The following RP1 variants were observed in gnomAD, a reference collection of about 807,000 sequenced individuals.
The protein encoded by RP1 is oxygen-regulated protein 1.
RP1 carries 16 observed loss-of-function variants against 14.8 expected under a neutral mutation model. The ratio of observed to expected loss-of-function variants is 1.08; its 90% CI spans 0.73 to 1.65. The LOEUF (loss-of-function observed/expected upper bound fraction) is 1.65. RP1 is among the 40% of genes most tolerant of loss of function. The pLI is 0.00. For missense variants in RP1, 2,631 were observed against 2,535.0 expected, an observed-to-expected ratio of 1.04 and a Z score of -0.81; for synonymous variants, 876 against 883.6, an observed-to-expected ratio of 0.99 and a Z score of 0.15.
rs911864049 is a variant in RP1 at position 54,734,601 on chromosome 8, G to T, written c.2578G>T (p.Val860Leu). The T allele has an allele frequency of 3.3e-6, 5 of 1,535,562 alleles. No individual in the cohort carries two copies. The African/African-American group carries it at 4.1e-5, about 13-fold the overall frequency. ...TCTTCTGTCAGAAGATGAATGGAAGGTGTTAGTGCTGACAGGAAATACAGG... is the reference window on the plus strand; with the variant it reads ...TCTTCTGTCAGAAGATGAATGGAAGTTGTTAGTGCTGACAGGAAATACAGG... The change falls in exon 18 of 23, where the codon GTG (valine) becomes TTG (leucine). Residue 860 changes from valine (V) to leucine (L), a missense_variant. Val to Leu is a conservative substitution (Grantham distance 32). Coordinates refer to the RP1 transcript ENST00000636932.
At chr8:54,576,999 G>A (rs1804677311) in intron 1 of RP1, among the ~76,000 whole-genome samples, 1 of 152,120 alleles carries the variant, frequency 6.6e-6, no homozygotes, top group African/African-American at 2.4e-5. Context: ...TTCTAAGAAT[G>A]TATATATGAA....
At chr8:54,615,446 A>G (rs954763258), upstream of RP1, among the ~76,000 whole-genome samples, 1 of 152,220 alleles carries the variant, frequency 6.6e-6, no homozygotes, top group Non-Finnish European at 1.5e-5. Flanking sequence ...ACAGGTAGTC[A>G]TTAGAAGGAT....
intron 15 of RP1, among the ~76,000 whole-genome samples, chr8:54,718,567 C>T (rs1808461879): frequency 6.6e-6 from 1 of 152,106 alleles, no homozygotes; most frequent in Admixed American, 6.6e-5. Flanking sequence ...AATGTTTGTA[C>T]CAGCTTTTTT....
chr8:54,719,714 A>G (rs1280562602), intron 15 of RP1, among the ~76,000 whole-genome samples: 2 of 152,192 alleles, frequency 1.3e-5, no homozygotes, highest in African/African-American at 2.4e-5. Flanking sequence ...AGCACAGAAA[A>G]TTGGTTTACA....
intron 25 of RP1, among the ~76,000 whole-genome samples, chr8:54,851,090 C>T (rs1228705401): frequency 6.6e-6 from 1 of 152,034 alleles, no homozygotes; most frequent in Non-Finnish European, 1.5e-5. Flanking sequence ...CATGTGCGTG[C>T]ATACTTTTTG....
At chr8:54,845,421 A>G (rs1329181028) in intron 25 of RP1, among the ~76,000 whole-genome samples, 38 of 152,136 alleles carry the variant, frequency 2.5e-4, no homozygotes, top group Admixed American at 2.4e-3. Context: ...TGGGGATTCT[A>G]ACCTGAAAAA....
intron 1 of RP1, among the ~76,000 whole-genome samples, chr8:54,602,650 G>C (rs1428317999): frequency 1.3e-5 from 2 of 152,126 alleles, no homozygotes; most frequent in Non-Finnish European, 2.9e-5. Flanking sequence ...TACAGTCCCA[G>C]TAACAGTGTA....
At chr8:54,676,326 G>T (rs1807294171) in intron 8 of RP1, among the ~76,000 whole-genome samples, 2 of 152,178 alleles carry the variant, frequency 1.3e-5, no homozygotes, top group Admixed American at 1.3e-4. Flanking sequence ...TTCACCAACT[G>T]CCAGTAATAG....
intron 1 of RP1, among the ~76,000 whole-genome samples, chr8:54,578,285 C>T (rs1442131764): frequency 6.6e-6 from 1 of 152,162 alleles, no homozygotes; most frequent in Non-Finnish European, 1.5e-5. Context: ...TAGCTTATTG[C>T]AGCCTTGAAC....
At chr8:54,837,079 A>G (rs1224135742) in intron 24 of RP1, among the ~76,000 whole-genome samples, 1 of 152,210 alleles carries the variant, frequency 6.6e-6, no homozygotes. Flanking sequence ...ATCTCACTGT[A>G]ATGGGAAAAT....
At chr8:54,758,778 C>A in intron 21 of RP1, 3 of 724,256 alleles carry the variant, frequency 4.1e-6, no homozygotes, top group South Asian at 2.4e-5. Flanking sequence ...ACCATATTGC[C>A]CCTTTTGATG....
intron 24 of RP1, among the ~76,000 whole-genome samples, chr8:54,789,943 A>G (rs1810420112): frequency 6.6e-6 from 1 of 152,190 alleles, no homozygotes; most frequent in Non-Finnish European, 1.5e-5. Context: ...GCCTGCATGA[A>G]TGTGGAGACC....
At chr8:54,624,607 A>G in intron 3 of RP1, 63 bp from the exon 4 acceptor site, 4 of 1,535,568 alleles carry the variant, frequency 2.6e-6, no homozygotes, top group East Asian at 2.3e-5. Context: ...GGATATTTCT[A>G]ACTTCTCTGC....
intron 1 of RP1, among the ~76,000 whole-genome samples, chr8:54,570,315 A>T (rs1804493483): frequency 6.7e-6 from 1 of 148,476 alleles, no homozygotes; most frequent in Admixed American, 7.0e-5. Flanking sequence ...TATTCTGTGA[A>T]TCTTTGCTTT....
At chr8:54,720,655 A>T (rs1808512947) in intron 16 of RP1, among the ~76,000 whole-genome samples, 1 of 152,186 alleles carries the variant, frequency 6.6e-6, no homozygotes. Context: ...ATATTCTCAG[A>T]TTCATTGCTA....
intron 24 of RP1, among the ~76,000 whole-genome samples, chr8:54,785,183 C>T (rs1810289345): frequency 1.3e-5 from 2 of 152,090 alleles, no homozygotes; most frequent in South Asian, 2.1e-4. Context: ...TCCTATCTCC[C>T]AGCTTTAGGA....
chr8:54,590,789 C>T (rs888934616), intron 1 of RP1, among the ~76,000 whole-genome samples: 4 of 152,200 alleles, frequency 2.6e-5, no homozygotes, highest in African/African-American at 9.7e-5. Flanking sequence ...GAGCTTCAGA[C>T]TCAGATAGCC....
chr8:54,810,767 G>A (rs1393696871), intron 24 of RP1, among the ~76,000 whole-genome samples: 2 of 152,178 alleles, frequency 1.3e-5, no homozygotes, highest in Non-Finnish European at 2.9e-5. Flanking sequence ...GGTCCAACAT[G>A]CCACAGAAGA....
chr8:54,692,157 T>C (rs1239218159), intron 12 of RP1, among the ~76,000 whole-genome samples: 2 of 151,822 alleles, frequency 1.3e-5, no homozygotes, highest in African/African-American at 4.8e-5. Context: ...CATCGTTTTT[T>C]ATGGCTGCAT....
Sources: gnomAD v4.1 joint callset for allele counts (sites outside exome capture counted in the v4.1 genomes callset) on GRCh38, gnomAD v4.1.1 for gene constraint, MANE v1.5 for transcripts, NCBI Gene and HGNC (gene_info 2026-07-23, HGNC 2026-07-21) for gene names.